Variants in ACTR3C observed in about 807,000 individuals in gnomAD.
The protein encoded by ACTR3C is actin-related protein 3C.
In ACTR3C, 18 loss-of-function variants were observed where a neutral mutation model predicts 26.3. The observed-to-expected ratio is 0.68, with a 90% CI of 0.47 to 1.01. The LOEUF (loss-of-function observed/expected upper bound fraction) is 1.01, where lower values mean the gene tolerates loss of function less well. ACTR3C is among the 50% of genes least tolerant of loss of function. The pLI is 0.00. For synonymous variants in ACTR3C, 55 were observed against 94.5 expected, an observed-to-expected ratio of 0.58 and a Z score of 2.42; for missense variants, 184 against 250.7, an observed-to-expected ratio of 0.73 and a Z score of 1.80.
At chr7:150,185,826 A>G in the ACTR3C span, among the ~76,000 whole-genome samples, 24 of 152,228 alleles carry the variant, frequency 1.6e-4, no homozygotes, top group African/African-American at 5.5e-4. Flanking sequence ...AAGAACCACA[A>G]CCAGCTGTTC....
chr7:149,903,269 C>T, the ACTR3C span, among the ~76,000 whole-genome samples: 8 of 147,682 alleles, frequency 5.4e-5, no homozygotes, highest in South Asian at 1.1e-3. Flanking sequence ...AAAAGAAACA[C>T]GAAGTGTTAG....
intron 6 of ACTR3C, among the ~76,000 whole-genome samples, chr7:150,254,995 G>A (rs370909477): frequency 0.047 from 7,151 of 151,674 alleles, 542 homozygotes; most frequent in African/African-American, 0.16. Flanking sequence ...TATGCATTAA[G>A]CCAAATTGTC....
chr7:149,905,805 C>G, the ACTR3C span, among the ~76,000 whole-genome samples: 1 of 152,140 alleles, frequency 6.6e-6, no homozygotes, highest in Admixed American at 6.5e-5. Context: ...CAAGGATCTA[C>G]GAAACAGAAA....
chr7:150,033,459 G>T, the ACTR3C span, among the ~76,000 whole-genome samples: 3 of 152,148 alleles, frequency 2.0e-5, no homozygotes, highest in Non-Finnish European at 2.9e-5. Context: ...TGCACCTGCC[G>T]TCGGAAGATT....
At chr7:150,141,652 A>T in the ACTR3C span, among the ~76,000 whole-genome samples, 1 of 152,064 alleles carries the variant, frequency 6.6e-6, no homozygotes, top group Non-Finnish European at 1.5e-5. Context: ...GTCATAATTA[A>T]TTTTTGCCAC....
At chr7:150,163,048 G>C in the ACTR3C span, among the ~76,000 whole-genome samples, 23 of 152,128 alleles carry the variant, frequency 1.5e-4, no homozygotes, top group East Asian at 1.2e-3. Context: ...CAGCTACTCG[G>C]GAGGCTGAGG....
At chr7:150,031,277 A>AG in the ACTR3C span, among the ~76,000 whole-genome samples, 1 of 137,166 alleles carries the variant, frequency 7.3e-6, no homozygotes, top group Non-Finnish European at 1.6e-5. Flanking sequence ...AAAAAAAGTA[A>AG]AAAAAAAAAA....
the ACTR3C span, among the ~76,000 whole-genome samples, chr7:150,033,665 C>G: frequency 6.6e-6 from 1 of 152,012 alleles, no homozygotes; most frequent in Non-Finnish European, 1.5e-5. Context: ...CTCTCAGTCC[C>G]TGCCTCGCGG....
the ACTR3C span, among the ~76,000 whole-genome samples, chr7:150,162,034 G>T: frequency 6.6e-6 from 1 of 152,260 alleles, no homozygotes; most frequent in Non-Finnish European, 1.5e-5. Flanking sequence ...CAACAAGAAA[G>T]AAACAACATT....
At chr7:150,193,898 ATTGAG>A in the ACTR3C span, among the ~76,000 whole-genome samples, 1 of 151,462 alleles carries the variant, frequency 6.6e-6, no homozygotes, top group South Asian at 2.1e-4. Flanking sequence ...CATTAGGTAA[ATTGAG>A]TTAACAGTAG....
the ACTR3C span, among the ~76,000 whole-genome samples, chr7:150,141,351 G>A: frequency 6.6e-6 from 1 of 152,048 alleles, no homozygotes; most frequent in Admixed American, 6.6e-5. Flanking sequence ...GGACCCTAGG[G>A]GATTCTACAC....
chr7:150,296,367 AT>A lies in ACTR3C; in HGVS notation c.-51-1021del, dbSNP rs1172167791. Among the ~76,000 whole-genome samples, 301 of 138,486 alleles carry A rather than the reference AT, an allele frequency of 2.2e-3. 3 individuals carry two copies. Among genetic ancestry groups the A allele is most frequent in the Admixed American group, 0.017 (255 of 14,670 alleles). 90.9% of individuals were successfully genotyped at this position (138,486 alleles called of 152,430 possible). A position where few individuals can be genotyped will look rare whatever the true frequency, so the allele number is the denominator to read the frequency against. On this transcript the variant is annotated intron_variant, in intron 1 of 7. Transcript: ENST00000683684. Reference sequence around the variant, plus strand: ...GTCTCCAAAAGACCGAAAAAAAAAAATATCTGGAAAAATATTGAAACAAAGC... The same window carrying A: ...GTCTCCAAAAGACCGAAAAAAAAAAAATCTGGAAAAATATTGAAACAAAGC...
the ACTR3C span, among the ~76,000 whole-genome samples, chr7:150,206,601 T>C: frequency 2.0e-5 from 3 of 152,092 alleles, no homozygotes; most frequent in African/African-American, 7.2e-5. Flanking sequence ...TTTGTATTTT[T>C]AGTAGAGACA....
the ACTR3C span, among the ~76,000 whole-genome samples, chr7:150,129,098 C>G: frequency 7.3e-3 from 1,102 of 151,470 alleles, 9 homozygotes; most frequent in East Asian, 0.077. Flanking sequence ...TAGCTCAATA[C>G]TTATCTGTGT....
chr7:150,056,326 A>C, the ACTR3C span, among the ~76,000 whole-genome samples: 1 of 152,204 alleles, frequency 6.6e-6, no homozygotes, highest in African/African-American at 2.4e-5. Flanking sequence ...AACAAATTGC[A>C]TTAGGAGCAA....
chr7:150,224,634 T>C, the ACTR3C span, among the ~76,000 whole-genome samples: 1 of 152,318 alleles, frequency 6.6e-6, no homozygotes, highest in Non-Finnish European at 1.5e-5. Flanking sequence ...TGGGATTTCC[T>C]GGCCTGAGGG....
chr7:150,227,020 G>T, the ACTR3C span, among the ~76,000 whole-genome samples: 1 of 146,104 alleles, frequency 6.8e-6, no homozygotes, highest in Admixed American at 6.7e-5. Flanking sequence ...AGCACATTGT[G>T]TATATTTATG....
At chr7:150,040,334 G>A in the ACTR3C span, among the ~76,000 whole-genome samples, 2 of 147,832 alleles carry the variant, frequency 1.4e-5, 1 homozygote, top group Non-Finnish European at 3.0e-5. Context: ...TCTCTCTGAC[G>A]CATACAATGG....
chr7:150,024,383 G>A, the ACTR3C span, among the ~76,000 whole-genome samples: 1 of 151,858 alleles, frequency 6.6e-6, no homozygotes, highest in African/African-American at 2.4e-5. Flanking sequence ...GTTGCTGGCA[G>A]GGACTGCGTG....
Sources: gnomAD v4.1 joint callset for allele counts (sites outside exome capture counted in the v4.1 genomes callset) on GRCh38, gnomAD v4.1.1 for gene constraint, MANE v1.5 for transcripts, NCBI Gene and HGNC (gene_info 2026-07-23, HGNC 2026-07-21) for gene names.